The following UBR1 variants were observed in gnomAD, a reference collection of about 807,000 sequenced individuals.
UBR1 encodes E3 ubiquitin-protein ligase UBR1.
UBR1 carries 102 observed loss-of-function variants against 242.1 expected under a neutral mutation model. The ratio of observed to expected loss-of-function variants is 0.42; its 90% confidence interval spans 0.36 to 0.50. The LOEUF (loss-of-function observed/expected upper bound fraction) is 0.50. Among genes scored for constraint, UBR1 ranks in the 20% least tolerant of loss-of-function variants. UBR1 has a pLI of 0.01. For missense variants in UBR1, 1,772 were observed against 2,101.8 expected, an observed-to-expected ratio of 0.84 and a Z score of 3.07; for synonymous variants, 675 against 684.8, an observed-to-expected ratio of 0.99 and a Z score of 0.22.
chr15:43,019,855 C>T (rs1006898356), intron 27 of UBR1, among the ~76,000 whole-genome samples: 52 of 151,574 alleles, frequency 3.4e-4, no homozygotes, highest in African/African-American at 1.1e-3. Context: ...CCACCCGCCT[C>T]CGCCTCCCAA....
intron 5 of UBR1, among the ~76,000 whole-genome samples, chr15:43,069,302 G>A (rs1439258828): frequency 1.3e-5 from 2 of 148,734 alleles, no homozygotes; most frequent in East Asian, 4.0e-4. Context: ...TTTTTGAGAC[G>A]GTCTCGCTCT....
chr15:43,032,947 G>T (rs1456488633), intron 19 of UBR1, among the ~76,000 whole-genome samples: 1 of 152,148 alleles, frequency 6.6e-6, no homozygotes, highest in Non-Finnish European at 1.5e-5. Flanking sequence ...CTGCGTTAGT[G>T]AGAAAGTGCC....
At chr15:43,027,954 C>T (rs1453875639) in intron 21 of UBR1, 126 bp from the exon 22 acceptor site, 8 of 855,356 alleles carry the variant, frequency 9.4e-6, no homozygotes, top group Middle Eastern at 2.9e-4. Context: ...GATCAATTTC[C>T]ACTATTAAAA....
chr15:43,059,982 A>G (rs1274078172), intron 7 of UBR1, 70 bp downstream of exon 7: 2 of 1,580,454 alleles, frequency 1.3e-6, no homozygotes, highest in Non-Finnish European at 8.7e-7. Flanking sequence ...CACTCAAATT[A>G]TTCTACTTGG....
intron 39 of UBR1, among the ~76,000 whole-genome samples, chr15:42,972,564 T>C (rs907146747): frequency 6.6e-6 from 1 of 152,090 alleles, no homozygotes; most frequent in Non-Finnish European, 1.5e-5. Context: ...GGAGATGGGA[T>C]TTCACCATGC....
chr15:43,082,562 G>T, intron 3 of UBR1, 76 bp downstream of exon 3: 1 of 1,139,172 alleles, frequency 8.8e-7, no homozygotes, highest in Non-Finnish European at 1.3e-6. Flanking sequence ...GCAGGAATGT[G>T]AATACTACTC....
intron 14 of UBR1, 86 bp from the exon 15 acceptor site, chr15:43,043,481 G>T: frequency 2.3e-6 from 3 of 1,305,436 alleles, no homozygotes; most frequent in Non-Finnish European, 3.3e-6. Context: ...CTGTCCTGTG[G>T]CCTAGGCTGG....
intron 3 of UBR1, among the ~76,000 whole-genome samples, chr15:43,080,080 A>AT (rs2033958213): frequency 6.6e-6 from 1 of 152,180 alleles, no homozygotes; most frequent in Non-Finnish European, 1.5e-5. Flanking sequence ...CCAAACAATA[A>AT]ATATTTTAGG....
At chr15:43,006,056 T>C (rs1033466099) in intron 30 of UBR1, among the ~76,000 whole-genome samples, 1 of 114,388 alleles carries the variant, frequency 8.7e-6, no homozygotes, top group African/African-American at 3.4e-5. Context: ...CAAATCCCCC[T>C]CTCGGAGAAA....
At chr15:43,006,617 C>T (rs1270088720) in intron 30 of UBR1, among the ~76,000 whole-genome samples, 1 of 152,184 alleles carries the variant, frequency 6.6e-6, no homozygotes, top group East Asian at 1.9e-4. Context: ...GCAGCTAATT[C>T]CTGATGTAAT....
At chr15:42,950,407 G>A (rs760356602) in intron 45 of UBR1, 44 bp from the exon 46 acceptor site, 1 of 1,527,870 alleles carries the variant, frequency 6.5e-7, no homozygotes, top group African/African-American at 1.4e-5. Flanking sequence ...GTGTATGTGT[G>A]CAAATGATAG....
intron 1 of UBR1, among the ~76,000 whole-genome samples, chr15:43,091,138 A>T (rs980804616): frequency 6.6e-6 from 1 of 152,016 alleles, no homozygotes; most frequent in Non-Finnish European, 1.5e-5. Context: ...GGGTTTTTCC[A>T]TGTTGGTGAG....
intron 19 of UBR1, among the ~76,000 whole-genome samples, chr15:43,033,853 C>A (rs532921329): frequency 2.0e-4 from 30 of 152,130 alleles, no homozygotes; most frequent in African/African-American, 7.0e-4. Flanking sequence ...CCTATAATCC[C>A]AGCAATTTGA....
intron 15 of UBR1, among the ~76,000 whole-genome samples, chr15:43,039,830 CTTA>C (rs1477131193): frequency 2.6e-5 from 4 of 152,120 alleles, no homozygotes; most frequent in African/African-American, 9.6e-5. Flanking sequence ...ATAAATAGCT[CTTA>C]TTATTTTGAG....
At position 42,945,463 on chromosome 15, in the gene UBR1, T is replaced by G; in HGVS notation, c.5116A>C (p.Asn1706His). 6.2e-7 allele frequency: 1 copy of G among 1,614,140 alleles called. No individual in the cohort carries two copies. The highest frequency in any genetic ancestry group is 1.6e-4 in the Middle Eastern group (1 of 6,062). Residue 1706 changes from asparagine (N) to histidine (H), a missense_variant, in exon 47 of 47, where the codon AAC (asparagine) becomes CAC (histidine). Asn to His is a moderately conservative substitution (Grantham distance 68, BLOSUM62 1). Coordinates refer to ENST00000290650, the MANE Select transcript of UBR1 (RefSeq NM_174916.3). Reference sequence around the variant, plus strand: ...CGCTCACGAGATAAATGAAGGGGGTTGCCCCTCCTTTAGGGAAAAAAGAAA... The same window carrying G: ...CGCTCACGAGATAAATGAAGGGGGTGGCCCCTCCTTTAGGGAAAAAAGAAA... Reference protein sequence around the residue: ...GETDPGLKRGNPLHLSRERYR... With the variant: ...GETDPGLKRGHPLHLSRERYR...
chr15:43,054,155 C>T (rs774449935), intron 12 of UBR1, among the ~76,000 whole-genome samples: 1 of 151,902 alleles, frequency 6.6e-6, no homozygotes, highest in Admixed American at 6.6e-5. Context: ...TCCAAGTCAG[C>T]CTGGGCAACA....
intron 10 of UBR1, among the ~76,000 whole-genome samples, chr15:43,057,178 T>C (rs745509385): frequency 5.9e-5 from 9 of 152,192 alleles, no homozygotes; most frequent in South Asian, 2.1e-4. Flanking sequence ...ATCACACATA[T>C]GGTCCAATAT....
intron 40 of UBR1, among the ~76,000 whole-genome samples, chr15:42,968,581 T>C (rs770538009): frequency 1.3e-5 from 2 of 151,998 alleles, no homozygotes; most frequent in African/African-American, 4.8e-5. Flanking sequence ...AGGTTTGTTA[T>C]ATAGGTATAC....
chr15:42,995,285 T>G (rs1364358988), intron 33 of UBR1, among the ~76,000 whole-genome samples: 2 of 151,986 alleles, frequency 1.3e-5, no homozygotes, highest in Admixed American at 6.6e-5. Flanking sequence ...AGAAACTAAA[T>G]TCACATATGT....
Sources: gnomAD v4.1 joint callset for allele counts (sites outside exome capture counted in the v4.1 genomes callset) on GRCh38, gnomAD v4.1.1 for gene constraint, MANE v1.5 for transcripts, NCBI Gene and HGNC (gene_info 2026-07-23, HGNC 2026-07-21) for gene names.